SLC22A2: variants seen among roughly 807,000 people sequenced by gnomAD.
SLC22A2 encodes solute carrier family 22 member 2.
A neutral mutation model predicts 60.5 loss-of-function variants in SLC22A2; 46 were observed. The observed-to-expected ratio is 0.76, with a 90% CI of 0.60 to 0.97. The LOEUF (loss-of-function observed/expected upper bound fraction) is 0.97, where lower values mean the gene tolerates loss of function less well. Ranked by LOEUF, SLC22A2 falls within the 50% of genes least tolerant of loss-of-function variation. The pLI, the probability that SLC22A2 is intolerant of heterozygous loss-of-function variation, is 0.00. For missense variants in SLC22A2, 701 were observed against 706.6 expected (o/e 0.99, Z 0.09); for synonymous variants, 303 against 267.0 (o/e 1.13, Z -1.31).
chr6:160,256,322 C>T (rs1583402625), intron 2 of SLC22A2, among the ~76,000 whole-genome samples: 1 of 152,274 alleles, frequency 6.6e-6, no homozygotes, highest in East Asian at 1.9e-4. Flanking sequence ...GGGATGAGAT[C>T]ATCTGTTACT....
intron 9 of SLC22A2, among the ~76,000 whole-genome samples, chr6:160,228,077 G>A (rs1180344229): frequency 6.6e-6 from 1 of 152,260 alleles, no homozygotes; most frequent in Non-Finnish European, 1.5e-5. Flanking sequence ...TGCCTGTGGA[G>A]TAGCCATTCT....
intron 3 of SLC22A2, among the ~76,000 whole-genome samples, chr6:160,250,010 A>G (rs1404502244): frequency 1.3e-5 from 2 of 152,214 alleles, no homozygotes; most frequent in Non-Finnish European, 2.9e-5. Context: ...CTCTTATAGT[A>G]TATGGAACTT....
chr6:160,223,570 G>A (rs1782675204), intron 10 of SLC22A2, among the ~76,000 whole-genome samples: 1 of 151,876 alleles, frequency 6.6e-6, no homozygotes, highest in Non-Finnish European at 1.5e-5. Context: ...TTATTTAACT[G>A]GTGTTCTAAT....
At chr6:160,254,505 T>C (rs1160452422) in intron 2 of SLC22A2, among the ~76,000 whole-genome samples, 1 of 152,210 alleles carries the variant, frequency 6.6e-6, no homozygotes, top group East Asian at 1.9e-4. Context: ...TGTGTTTTAT[T>C]TAAAGTTGGC....
At chr6:160,252,819 CAG>C (rs1386807570) in intron 2 of SLC22A2, among the ~76,000 whole-genome samples, 1 of 152,224 alleles carries the variant, frequency 6.6e-6, no homozygotes, top group Admixed American at 6.5e-5. Flanking sequence ...TTTAATTTCA[CAG>C]AGCCTCGGTT....
intron 9 of SLC22A2, among the ~76,000 whole-genome samples, chr6:160,229,560 C>A (rs1334444263): frequency 6.6e-6 from 1 of 151,706 alleles, no homozygotes; most frequent in Non-Finnish European, 1.5e-5. Flanking sequence ...GCTCACCCAA[C>A]CCCTTCTCTC....
chr6:160,250,890 C>T (rs988339460), intron 2 of SLC22A2, among the ~76,000 whole-genome samples, 188 bp from the exon 3 acceptor site: 4 of 152,192 alleles, frequency 2.6e-5, no homozygotes, highest in African/African-American at 9.7e-5. Context: ...CACTTTTCAT[C>T]AGCACACTAT....
At position 160,247,325 on chromosome 6, in the gene SLC22A2, ACT is replaced by A. The variant is rs768322377; in HGVS notation, c.843-29_843-28del. On this transcript the variant is annotated intron_variant, in intron 4 of 10. Coordinates refer to ENST00000366953, the MANE Select transcript of SLC22A2 (RefSeq NM_003058.4). ...TAGGGTACAAGGTGAGCGGAGGGCA[ACT>A]CTTACTGAATCCTCCTTACCCCATC... 23 of 1,189,474 alleles carry A rather than the reference ACT, an allele frequency of 1.9e-5. No homozygotes were observed. The Middle Eastern group carries it at 5.7e-4, about 30-fold the overall frequency. The allele number at this position is 1,189,474 out of a possible 1,614,324, so 73.7% of individuals were successfully genotyped here.
intron 9 of SLC22A2, among the ~76,000 whole-genome samples, chr6:160,226,150 T>C (rs1562430861): frequency 6.6e-6 from 1 of 152,146 alleles, no homozygotes; most frequent in Non-Finnish European, 1.5e-5. Context: ...ACCACCCAAA[T>C]TGATAAACTG....
At chr6:160,219,527 C>T (rs1170213883) in intron 10 of SLC22A2, among the ~76,000 whole-genome samples, 1 of 151,858 alleles carries the variant, frequency 6.6e-6, no homozygotes, top group African/African-American at 2.4e-5. Flanking sequence ...AATCTAGCTG[C>T]CAGGATTGAA....
chr6:160,253,772 G>A (rs558897063), intron 2 of SLC22A2, among the ~76,000 whole-genome samples: 1 of 152,160 alleles, frequency 6.6e-6, no homozygotes, highest in Non-Finnish European at 1.5e-5. Context: ...CTGTGCTTGT[G>A]AGGTTATTTA....
chr6:160,235,173 T>C (rs1010540200), intron 9 of SLC22A2, among the ~76,000 whole-genome samples: 3 of 152,166 alleles, frequency 2.0e-5, no homozygotes, highest in Non-Finnish European at 4.4e-5. Context: ...CATCTCAAAA[T>C]CTAAGGGTCT....
At chr6:160,245,592 G>T in intron 5 of SLC22A2, 47 bp from the exon 6 acceptor site, 1 of 1,194,408 alleles carries the variant, frequency 8.4e-7, no homozygotes, top group Non-Finnish European at 1.2e-6. Context: ...TAATGCTAGT[G>T]TCCCTGGGTC....
At chr6:160,229,045 A>G (rs1386237312) in intron 9 of SLC22A2, among the ~76,000 whole-genome samples, 1 of 151,912 alleles carries the variant, frequency 6.6e-6, no homozygotes, top group African/African-American at 2.4e-5. Context: ...CATGGACACC[A>G]GTGAAATTTG....
chr6:160,254,161 C>T (rs1332778547), intron 2 of SLC22A2, among the ~76,000 whole-genome samples: 1 of 151,992 alleles, frequency 6.6e-6, no homozygotes, highest in African/African-American at 2.4e-5. Flanking sequence ...GCCTGTAATC[C>T]CAGCTACTCA....
chr6:160,229,137 C>T (rs1782776838), intron 9 of SLC22A2, among the ~76,000 whole-genome samples: 1 of 151,818 alleles, frequency 6.6e-6, no homozygotes, highest in Non-Finnish European at 1.5e-5. Context: ...GAAAGATCCA[C>T]CTATGACCTC....
At chr6:160,244,204 C>G (rs1341283942) in intron 6 of SLC22A2, 1 of 170,304 alleles carries the variant, frequency 5.9e-6, no homozygotes, top group Non-Finnish European at 1.3e-5. Context: ...CCTGCCTCAG[C>G]CTCCCTAGTA....
At position 160,247,418 on chromosome 6, in the gene SLC22A2, C is replaced by T. The variant is rs112425400; in HGVS notation, c.843-120G>A. The T allele has an allele frequency of 2.6e-4, 167 of 631,522 alleles. No individual in the cohort carries two copies. The African/African-American group carries it at 2.7e-3, about 10-fold the overall frequency. 39.1% of individuals were successfully genotyped at this position (631,522 alleles called of 1,614,324 possible). A position where few individuals can be genotyped will look rare whatever the true frequency, so the allele number is the denominator to read the frequency against. Reference sequence around the variant, plus strand: ...ACAGTTGGATCTCCAAAGAAAATAACACTCGTGTAGGGGGATATGTGGTTC... The same window carrying T: ...ACAGTTGGATCTCCAAAGAAAATAATACTCGTGTAGGGGGATATGTGGTTC... On this transcript the variant is annotated intron_variant, in intron 4 of 10. Transcript: ENST00000366953.
At chr6:160,223,721 T>A (rs1036158777) in intron 10 of SLC22A2, among the ~76,000 whole-genome samples, 10 of 152,164 alleles carry the variant, frequency 6.6e-5, no homozygotes, top group Non-Finnish European at 7.3e-5. Flanking sequence ...TTATAATTTT[T>A]ATTTAATTTA....
Sources: gnomAD v4.1 joint callset for allele counts (sites outside exome capture counted in the v4.1 genomes callset) on GRCh38, gnomAD v4.1.1 for gene constraint, MANE v1.5 for transcripts, NCBI Gene and HGNC (gene_info 2026-07-23, HGNC 2026-07-21) for gene names.